The following C2orf76 variants were observed in gnomAD, a reference collection of about 807,000 sequenced individuals.
C2orf76 encodes chromosome 2 open reading frame 76.
In C2orf76, 23 loss-of-function variants were observed where a neutral mutation model predicts 16.9. The ratio of observed to expected loss-of-function variants is 1.36; its 90% CI spans 0.98 to 1.93. C2orf76 has a LOEUF of 1.93. Ranked by LOEUF, C2orf76 falls within the 30% of genes most tolerant of loss-of-function variation. The pLI is 0.00. For missense variants in C2orf76, 152 were observed against 152.6 expected (o/e 1.00, Z 0.02); for synonymous variants, 48 against 52.3 (o/e 0.92, Z 0.35).
chr2:119,337,695 CA>C (rs1372077518), intron 2 of C2orf76, among the ~76,000 whole-genome samples: 1 of 152,084 alleles, frequency 6.6e-6, no homozygotes, highest in South Asian at 2.1e-4. Context: ...GTCTGTACCC[CA>C]AAAGTTCACC....
At chr2:119,294,246 G>A in the C2orf76 span, among the ~76,000 whole-genome samples, 1 of 152,158 alleles carries the variant, frequency 6.6e-6, no homozygotes. Context: ...ACTGCTGAGA[G>A]GTGAAGCAAT....
intron 4 of C2orf76, among the ~76,000 whole-genome samples, chr2:119,313,316 A>G (rs1355940207): frequency 6.6e-6 from 1 of 152,070 alleles, no homozygotes; most frequent in Admixed American, 6.5e-5. Flanking sequence ...ATTTTAGAAT[A>G]GGTAATACAG....
chr2:119,344,594 A>C (rs1680140034), intron 1 of C2orf76, among the ~76,000 whole-genome samples: 1 of 152,186 alleles, frequency 6.6e-6, no homozygotes, highest in South Asian at 2.1e-4. Flanking sequence ...ATCTTGACAC[A>C]AACAATTCTA....
intron 4 of C2orf76, among the ~76,000 whole-genome samples, chr2:119,313,438 T>G (rs989038302): frequency 6.6e-6 from 1 of 151,686 alleles, no homozygotes; most frequent in African/African-American, 2.4e-5. Context: ...AAAAAAAAGT[T>G]TTATTTAATT....
chr2:119,329,577 T>C (rs1460000188), intron 2 of C2orf76, among the ~76,000 whole-genome samples: 1 of 152,234 alleles, frequency 6.6e-6, no homozygotes, highest in African/African-American at 2.4e-5. Context: ...TTTTGGATTG[T>C]CTATTTGACA....
intron 1 of C2orf76, among the ~76,000 whole-genome samples, chr2:119,355,831 C>T (rs1028960445): frequency 2.0e-5 from 3 of 152,102 alleles, no homozygotes; most frequent in South Asian, 2.1e-4. Context: ...CACCATCCAC[C>T]GAACAGGATG....
upstream of C2orf76, chr2:119,366,978 G>A: frequency 6.2e-7 from 1 of 1,602,536 alleles, no homozygotes; most frequent in Non-Finnish European, 8.5e-7. Context: ...GCGCTTGCCA[G>A]TGCAATCTGG....
chr2:119,292,718 G>A, the C2orf76 span, among the ~76,000 whole-genome samples: 2 of 152,102 alleles, frequency 1.3e-5, no homozygotes, highest in Admixed American at 1.3e-4. Flanking sequence ...TCAACAAGCT[G>A]TAAAGTTTCG....
the C2orf76 span, among the ~76,000 whole-genome samples, chr2:119,292,697 T>C: frequency 1.3e-5 from 2 of 152,302 alleles, no homozygotes; most frequent in East Asian, 1.9e-4. Context: ...TACATTGCTA[T>C]GGGATGAGCT....
intron 2 of C2orf76, among the ~76,000 whole-genome samples, chr2:119,327,278 C>T (rs1019523192): frequency 4.2e-5 from 6 of 142,540 alleles, no homozygotes; most frequent in African/African-American, 1.5e-4. Context: ...ATTCTGTCTT[C>T]AATTAAAATA....
intron 1 of C2orf76, among the ~76,000 whole-genome samples, chr2:119,344,647 T>C (rs1680141825): frequency 6.6e-6 from 1 of 151,978 alleles, no homozygotes; most frequent in African/African-American, 2.4e-5. Context: ...AGCAAAGTCA[T>C]AAAACAACAA....
chr2:119,367,001 T>G (rs530783915), upstream of C2orf76: 4 of 1,612,700 alleles, frequency 2.5e-6, no homozygotes, highest in South Asian at 2.2e-5. Flanking sequence ...GATCGCTTCC[T>G]GGTCCTCGCC....
rs551226095 is a variant in C2orf76 at position 119,321,571 on chromosome 2, C to T, written c.134-367G>A. ...AGATCTCACGACACTTATTCACTAC[C>T]GTAAGAACAGCATGGGAAAAACCCA... On this transcript the variant is annotated intron_variant, in intron 2 of 5. Transcript: ENST00000334816. Among the ~76,000 whole-genome samples the T allele has an allele frequency of 4.1e-4, 62 of 152,172 alleles. 2 individuals carry two copies. The highest frequency in any genetic ancestry group is 3.4e-3 in the Admixed American group (52 of 15,282).
chr2:119,341,876 A>G (rs142937978), intron 1 of C2orf76, among the ~76,000 whole-genome samples: 11 of 152,348 alleles, frequency 7.2e-5, no homozygotes, highest in African/African-American at 2.4e-4. Context: ...TGGCAAGGGT[A>G]GAGAACAATG....
At chr2:119,297,848 T>G (rs1468790487), downstream of C2orf76, among the ~76,000 whole-genome samples, 1 of 152,210 alleles carries the variant, frequency 6.6e-6, no homozygotes, top group Admixed American at 6.5e-5. Context: ...ATGAAAAAGC[T>G]CAGAAACTCT....
intron 1 of C2orf76, among the ~76,000 whole-genome samples, chr2:119,348,108 T>C (rs1235088697): frequency 1.3e-5 from 2 of 151,630 alleles, no homozygotes; most frequent in African/African-American, 4.8e-5. Flanking sequence ...TGGTTATGTA[T>C]GAAATCTCAT....
At chr2:119,309,620 A>G (rs1243775373) in intron 5 of C2orf76, among the ~76,000 whole-genome samples, 1 of 151,926 alleles carries the variant, frequency 6.6e-6, no homozygotes, top group African/African-American at 2.4e-5. Flanking sequence ...GGATTTCACC[A>G]TATTGGCCAA....
chr2:119,317,126 AG>A (rs536079883), intron 4 of C2orf76, among the ~76,000 whole-genome samples: 76 of 152,344 alleles, frequency 5.0e-4, no homozygotes, highest in African/African-American at 1.8e-3. Flanking sequence ...AGAAAATCAA[AG>A]ACACTGGATT....
downstream of C2orf76, among the ~76,000 whole-genome samples, chr2:119,301,277 G>C (rs1678617876): frequency 6.6e-6 from 1 of 152,138 alleles, no homozygotes; most frequent in Non-Finnish European, 1.5e-5. Context: ...GCTCCTGAAT[G>C]AAACAATGAA....
Sources: gnomAD v4.1 joint callset for allele counts (sites outside exome capture counted in the v4.1 genomes callset) on GRCh38, gnomAD v4.1.1 for gene constraint, MANE v1.5 for transcripts, NCBI Gene and HGNC (gene_info 2026-07-23, HGNC 2026-07-21) for gene names.